The following ULK4 variants were observed in gnomAD, a reference collection of about 807,000 sequenced individuals.
ULK4 encodes inactive serine/threonine-protein kinase ULK4.
A neutral mutation model predicts 160.6 loss-of-function variants in ULK4; 133 were observed. The observed-to-expected ratio is 0.83, with a 90% CI of 0.72 to 0.96. ULK4 has a LOEUF of 0.96. Ranked by LOEUF, ULK4 falls within the 40% of genes least tolerant of loss-of-function variation. ULK4 has a pLI of 0.00. For synonymous variants in ULK4, 534 were observed against 539.8 expected (o/e 0.99, Z 0.15); for missense variants, 1,580 against 1,499.5 (o/e 1.05, Z -0.89).
intron 30 of ULK4, among the ~76,000 whole-genome samples, chr3:41,645,867 T>C (rs1373747585): frequency 1.3e-5 from 2 of 152,218 alleles, no homozygotes; most frequent in Non-Finnish European, 2.9e-5. Context: ...TTTATGAATC[T>C]GGGTGCTCCT....
intron 31 of ULK4, among the ~76,000 whole-genome samples, chr3:41,590,860 A>G (rs1312873964): frequency 3.3e-5 from 5 of 152,072 alleles, no homozygotes; most frequent in African/African-American, 1.2e-4. Context: ...CCTAACATAC[A>G]TGTAATTGAG....
chr3:41,267,158 C>T (rs1035724570), intron 35 of ULK4, among the ~76,000 whole-genome samples: 41 of 151,660 alleles, frequency 2.7e-4, no homozygotes, highest in African/African-American at 9.9e-4. Flanking sequence ...TAAGTTGCCT[C>T]CCCTTGCCCC....
chr3:41,347,091 G>A (rs917928895), intron 35 of ULK4, among the ~76,000 whole-genome samples: 4 of 152,048 alleles, frequency 2.6e-5, no homozygotes, highest in Non-Finnish European at 5.9e-5. Flanking sequence ...ACCCACATAG[G>A]ATTCATAAGT....
At chr3:41,518,644 G>A (rs750995638) in intron 32 of ULK4, among the ~76,000 whole-genome samples, 17 of 152,088 alleles carry the variant, frequency 1.1e-4, no homozygotes, top group Non-Finnish European at 2.2e-4. Flanking sequence ...AATGCTGCCC[G>A]ACATTAGATT....
At chr3:41,861,740 A>C (rs1214053547) in intron 17 of ULK4, among the ~76,000 whole-genome samples, 1 of 152,022 alleles carries the variant, frequency 6.6e-6, no homozygotes, top group Admixed American at 6.6e-5. Flanking sequence ...TTTTACCTCT[A>C]TCTTTCTCTA....
chr3:41,454,539 C>CAAAAAAAAAAAAAAA (rs11286615), intron 34 of ULK4, among the ~76,000 whole-genome samples: 1 of 90,948 alleles, frequency 1.1e-5, no homozygotes, highest in African/African-American at 3.8e-5. Context: ...GACTTCATCT[C>CAAAAAAAAAAAAAAA]AAAAAAAAAA....
At chr3:41,395,607 A>G (rs1347397777) in intron 35 of ULK4, among the ~76,000 whole-genome samples, 12 of 152,186 alleles carry the variant, frequency 7.9e-5, no homozygotes, top group Admixed American at 7.9e-4. Flanking sequence ...AATGGTGGTT[A>G]TCAGGCACTG....
chr3:41,360,103 C>T (rs992806898), intron 35 of ULK4, among the ~76,000 whole-genome samples: 6 of 152,034 alleles, frequency 3.9e-5, no homozygotes, highest in Non-Finnish European at 1.5e-5. Context: ...AAAAAGTGGG[C>T]AAAGGATATG....
intron 35 of ULK4, among the ~76,000 whole-genome samples, chr3:41,333,460 T>C (rs2080489237): frequency 1.4e-5 from 2 of 146,494 alleles, no homozygotes; most frequent in African/African-American, 2.6e-5. Context: ...GGGCACTGGC[T>C]TGGGGAAAGA....
Position 41,510,162 on chromosome 3 carries a change from A to T in ULK4, c.3227-46909T>A, listed in dbSNP as rs553597647. The stretch of plus-strand genomic sequence containing the variant: ...GATATTCCATGCACATGGACACCAA[A>T]AGTGAACAGGAATAGCTATTCTTAT... On this transcript the variant is annotated intron_variant, in intron 32 of 36. Coordinates refer to ENST00000301831, the MANE Select transcript of ULK4 (RefSeq NM_017886.4). 2.6e-5 allele frequency among the ~76,000 whole-genome samples: 4 copies of T among 152,342 alleles called. No homozygotes were observed. The South Asian group carries it at 8.3e-4, about 32-fold the overall frequency.
intron 31 of ULK4, among the ~76,000 whole-genome samples, chr3:41,604,658 C>T (rs1450015220): frequency 6.6e-6 from 1 of 152,070 alleles, no homozygotes; most frequent in Non-Finnish European, 1.5e-5. Flanking sequence ...TCTATTCAGG[C>T]CCTGTGTGTT....
chr3:41,770,535 A>G (rs2125918215), intron 21 of ULK4, among the ~76,000 whole-genome samples: 1 of 146,414 alleles, frequency 6.8e-6, no homozygotes, highest in Non-Finnish European at 1.5e-5. Context: ...TTTGAGACAG[A>G]GTATTACTCT....
chr3:41,305,490 G>A (rs1449432280), intron 35 of ULK4, among the ~76,000 whole-genome samples: 5 of 152,180 alleles, frequency 3.3e-5, no homozygotes, highest in African/African-American at 1.2e-4. Context: ...CCGAGGTGCC[G>A]GGATTGCAGA....
intron 35 of ULK4, among the ~76,000 whole-genome samples, chr3:41,293,756 C>G (rs912475711): frequency 2.0e-5 from 3 of 152,058 alleles, no homozygotes; most frequent in African/African-American, 7.3e-5. Context: ...GAAACAATGT[C>G]TGGCATACAG....
chr3:41,785,347 A>C (rs2039969271), intron 21 of ULK4, among the ~76,000 whole-genome samples: 1 of 152,236 alleles, frequency 6.6e-6, no homozygotes, highest in Admixed American at 6.5e-5. Flanking sequence ...AACTTGGTAA[A>C]TGTGTGCATA....
intron 16 of ULK4, among the ~76,000 whole-genome samples, chr3:41,887,916 C>G (rs991597616): frequency 6.6e-6 from 1 of 151,666 alleles, no homozygotes; most frequent in Non-Finnish European, 1.5e-5. Flanking sequence ...TAATCCCCAG[C>G]ACTTTAGGAG....
intron 21 of ULK4, among the ~76,000 whole-genome samples, chr3:41,775,396 C>T (rs1050808261): frequency 2.1e-5 from 3 of 145,984 alleles, no homozygotes; most frequent in African/African-American, 7.9e-5. Context: ...ATGGTGACAA[C>T]TCCTTTTTTT....
intron 35 of ULK4, among the ~76,000 whole-genome samples, chr3:41,368,634 A>T (rs147377662): frequency 9.8e-5 from 15 of 152,310 alleles, no homozygotes; most frequent in African/African-American, 3.6e-4. Context: ...ATGTAATCAC[A>T]CATCATGTGG....
At chr3:41,912,689 G>T in intron 9 of ULK4, 118 bp downstream of exon 9, 1 of 832,936 alleles carries the variant, frequency 1.2e-6, no homozygotes, top group Non-Finnish European at 1.9e-6. Context: ...ACAAACGCTG[G>T]ATTTTCTCCT....
Sources: allele counts gnomAD v4.1 joint callset (sites outside exome capture counted in the v4.1 genomes callset), GRCh38; gene constraint gnomAD v4.1.1; transcripts MANE v1.5; gene names NCBI Gene and HGNC (gene_info 2026-07-23, HGNC 2026-07-21).